Variants in CAMK2D observed in about 807,000 individuals in gnomAD.
The protein encoded by CAMK2D is calcium/calmodulin dependent protein kinase II delta.
Under a neutral mutation model 84.0 loss-of-function variants are expected in CAMK2D, and 37 were observed. That is an observed-to-expected ratio of 0.44 (90% CI 0.34 to 0.58). CAMK2D has a LOEUF of 0.58. CAMK2D is among the 20% of genes least tolerant of loss of function. CAMK2D has a pLI of 0.02. For synonymous variants in CAMK2D, 202 were observed against 212.5 expected (o/e 0.95, Z 0.43); for missense variants, 448 against 652.5 (o/e 0.69, Z 3.41).
At chr4:113,590,510 T>C (rs2098865998) in intron 4 of CAMK2D, among the ~76,000 whole-genome samples, 1 of 152,136 alleles carries the variant, frequency 6.6e-6, no homozygotes. Context: ...GATAGTCAAT[T>C]TCCTATGCAT....
At chr4:113,557,374 T>G (rs1288731149) in intron 4 of CAMK2D, among the ~76,000 whole-genome samples, 1 of 152,204 alleles carries the variant, frequency 6.6e-6, no homozygotes, top group Non-Finnish European at 1.5e-5. Flanking sequence ...ATCTTCCAAT[T>G]GAGGCCCTCT....
At position 113,562,766 on chromosome 4, in the gene CAMK2D, T is replaced by A. The variant is rs74332728; in HGVS notation, c.276-10670A>T. On this transcript the variant is annotated intron_variant, in intron 4 of 20. Transcript: ENST00000511664. ...TTTTTATGTGCAAGTGTTAGGCAAC[T>A]AATTTACTGAAACTTGGTTTAATAG... is the stretch of plus-strand genomic sequence containing the variant. 1.7e-4 allele frequency among the ~76,000 whole-genome samples: 26 copies of A among 152,382 alleles called. 1 individual carries two copies. The East Asian group carries it at 4.6e-3, about 27-fold the overall frequency.
chr4:113,534,805 A>G (rs910303985), intron 7 of CAMK2D, among the ~76,000 whole-genome samples: 3 of 152,206 alleles, frequency 2.0e-5, no homozygotes. Context: ...AGTGTTTATT[A>G]TCCCATTTAC....
At chr4:113,533,527 A>G (rs2098471197) in intron 7 of CAMK2D, among the ~76,000 whole-genome samples, 1 of 152,152 alleles carries the variant, frequency 6.6e-6, no homozygotes, top group East Asian at 1.9e-4. Flanking sequence ...ACAAAGAGAA[A>G]AGAGAATTAC....
chr4:113,708,257 T>A (rs151121532), intron 2 of CAMK2D, among the ~76,000 whole-genome samples: 4 of 152,294 alleles, frequency 2.6e-5, no homozygotes, highest in African/African-American at 9.6e-5. Context: ...GCTCACTTTT[T>A]AAGTGGTTCA....
chr4:113,481,881 C>A (rs1213084750), intron 16 of CAMK2D, among the ~76,000 whole-genome samples: 1 of 152,198 alleles, frequency 6.6e-6, no homozygotes, highest in Admixed American at 6.5e-5. Flanking sequence ...CAGTAAGCCA[C>A]ATGGAAATGT....
intron 2 of CAMK2D, among the ~76,000 whole-genome samples, chr4:113,673,176 T>C (rs567429421): frequency 2.0e-5 from 3 of 152,220 alleles, no homozygotes; most frequent in East Asian, 1.9e-4. Flanking sequence ...GGGTACCAAA[T>C]TGGAAGGGAA....
chr4:113,597,120 G>T (rs529116910), intron 4 of CAMK2D, among the ~76,000 whole-genome samples: 16 of 152,020 alleles, frequency 1.1e-4, no homozygotes, highest in Non-Finnish European at 1.9e-4. Context: ...GCCTGGCCGG[G>T]TCCTAAAATT....
At chr4:113,460,502 C>T (rs2097360127) in intron 17 of CAMK2D, among the ~76,000 whole-genome samples, 1 of 151,666 alleles carries the variant, frequency 6.6e-6, no homozygotes, top group Non-Finnish European at 1.5e-5. Flanking sequence ...TTAGGAGGCC[C>T]CTTTTTATAA....
At chr4:113,534,485 G>A (rs2098477123) in intron 7 of CAMK2D, among the ~76,000 whole-genome samples, 1 of 152,148 alleles carries the variant, frequency 6.6e-6, no homozygotes, top group Non-Finnish European at 1.5e-5. Flanking sequence ...TAACTTAATT[G>A]CTGATAGCAC....
In CAMK2D at chr4:113,454,470, G is replaced by C. The variant is rs761029575; in HGVS notation, c.*75C>G. 5 of 778,302 alleles carry C rather than the reference G, an allele frequency of 6.4e-6. No homozygotes were observed. Among genetic ancestry groups the C allele is most frequent in the Non-Finnish European group, 9.6e-6 (4 of 416,488 alleles). The allele number at this position is 778,302 out of a possible 1,614,324, so 48.2% of individuals were successfully genotyped here. A position where few individuals can be genotyped will look rare whatever the true frequency, so the allele number is the denominator to read the frequency against. On this transcript the variant is annotated 3_prime_UTR_variant, in exon 21 of 21. Coordinates refer to ENST00000511664, the MANE Select transcript of CAMK2D (RefSeq NM_001321571.2). ...AGGACGGCCCAGGGTCACCATCCAG[G>C]TGCCTTGAGAACAGAGAATGCAGAA...
At chr4:113,564,312 G>T (rs1333684126) in intron 4 of CAMK2D, among the ~76,000 whole-genome samples, 1 of 152,020 alleles carries the variant, frequency 6.6e-6, no homozygotes, top group Non-Finnish European at 1.5e-5. Flanking sequence ...CAATTACCTT[G>T]AACTTTGGTT....
In CAMK2D at chr4:113,509,131, C is replaced by CTCA. The variant is rs534515591; in HGVS notation, c.984+504_984+506dup. Among the ~76,000 whole-genome samples the CTCA allele has an allele frequency of 7.9e-5, 12 of 152,270 alleles. No individual in the cohort carries two copies. In the South Asian group the frequency reaches 2.5e-3, roughly 32 times the overall value. ...TTCAGATCATTCATCTTGAATATAT[C>CTCA]TCAACACCTTATGACAGAAACAAGG... On this transcript the variant is annotated intron_variant, in intron 13 of 20. Coordinates refer to ENST00000511664, the MANE Select transcript of CAMK2D (RefSeq NM_001321571.2).
At chr4:113,668,697 C>G (rs1004957877) in intron 2 of CAMK2D, among the ~76,000 whole-genome samples, 1 of 152,088 alleles carries the variant, frequency 6.6e-6, no homozygotes, top group East Asian at 1.9e-4. Context: ...TATCTATGGT[C>G]AGAAAGAGAC....
rs1043447422 is a variant in CAMK2D, at chr4:113,761,706, C to T, written c.-638G>A. 1.1e-5 allele frequency: 11 copies of T among 959,172 alleles called. No homozygotes were observed. The African/African-American group carries it at 1.6e-4, about 14-fold the overall frequency. The allele number at this position is 959,172 out of a possible 1,614,324, so 59.4% of individuals were successfully genotyped here. On this transcript the variant is annotated 5_prime_UTR_variant, in exon 1 of 21. Coordinates refer to ENST00000511664, the MANE Select transcript of CAMK2D (RefSeq NM_001321571.2). ...GGCGGCCTCGCGCTGCTCACGAGCC[C>T]GCGCGGCTTCAAGACGGCGCGGCGA...
chr4:113,561,831 C>G (rs1232003618), intron 4 of CAMK2D, among the ~76,000 whole-genome samples: 1 of 152,194 alleles, frequency 6.6e-6, no homozygotes, highest in African/African-American at 2.4e-5. Flanking sequence ...GTTTAACATT[C>G]ATGCTCACAA....
At chr4:113,580,450 TACC>T (rs2098802587) in intron 4 of CAMK2D, among the ~76,000 whole-genome samples, 1 of 152,208 alleles carries the variant, frequency 6.6e-6, no homozygotes, top group Non-Finnish European at 1.5e-5. Context: ...CAGTAAGATG[TACC>T]ACATTTTCTT....
At chr4:113,604,328 T>C (rs2098968539) in intron 4 of CAMK2D, among the ~76,000 whole-genome samples, 1 of 152,186 alleles carries the variant, frequency 6.6e-6, no homozygotes, top group South Asian at 2.1e-4. Context: ...TTTTCATAGA[T>C]TATTGCTGCA....
At chr4:113,606,297 C>T (rs2098976707) in intron 4 of CAMK2D, among the ~76,000 whole-genome samples, 1 of 151,922 alleles carries the variant, frequency 6.6e-6, no homozygotes, top group South Asian at 2.1e-4. Context: ...GGTGAAACCC[C>T]GTCTCTACTA....
Sources: allele counts gnomAD v4.1 joint callset (sites outside exome capture counted in the v4.1 genomes callset), GRCh38; gene constraint gnomAD v4.1.1; transcripts MANE v1.5; gene names NCBI Gene and HGNC (gene_info 2026-07-23, HGNC 2026-07-21).